CDK17: variants seen among roughly 807,000 people sequenced by gnomAD.
CDK17 encodes cyclin dependent kinase 17.
Under a neutral mutation model 77.6 loss-of-function variants are expected in CDK17, and 24 were observed. The ratio of observed to expected loss-of-function variants is 0.31; its 90% CI spans 0.22 to 0.44. CDK17 has a LOEUF of 0.44. Among genes scored for constraint, CDK17 ranks in the 20% least tolerant of loss-of-function variants. The pLI, the probability that CDK17 is intolerant of heterozygous loss-of-function variation, is 1.00. For missense variants in CDK17, 429 were observed against 622.5 expected (o/e 0.69, Z 3.31); for synonymous variants, 203 against 210.4 (o/e 0.96, Z 0.30).
intron 11 of CDK17, among the ~76,000 whole-genome samples, chr12:96,287,946 T>C (rs909793177): frequency 6.6e-6 from 1 of 152,174 alleles, no homozygotes; most frequent in African/African-American, 2.4e-5. Flanking sequence ...ATTCTACTCA[T>C]AAGTGGTACT....
chr12:96,323,674 C>T (rs974370606), intron 3 of CDK17, among the ~76,000 whole-genome samples: 1 of 152,082 alleles, frequency 6.6e-6, no homozygotes, highest in Middle Eastern at 3.2e-3. Flanking sequence ...AAAATAAACA[C>T]CATCCCAAAC....
At chr12:96,364,357 T>C (rs1379067828) in intron 1 of CDK17, among the ~76,000 whole-genome samples, 1 of 152,176 alleles carries the variant, frequency 6.6e-6, no homozygotes, top group Non-Finnish European at 1.5e-5. Flanking sequence ...GGCCACACCA[T>C]TTTGTATTCC....
At chr12:96,364,741 A>C (rs1953555980) in intron 1 of CDK17, among the ~76,000 whole-genome samples, 1 of 152,172 alleles carries the variant, frequency 6.6e-6, no homozygotes, top group African/African-American at 2.4e-5. Context: ...GTCCCTAAAA[A>C]CAGAAAATAT....
Position 96,286,772 on chromosome 12 carries a change from G to T in CDK17, c.1119-11C>A, listed in dbSNP as rs1309666788. ...ATGCAACCAACACCCCTTTAAAATAGATCATGAAAATAATTTAGCAATTCA... is the reference window on the plus strand; with the variant it reads ...ATGCAACCAACACCCCTTTAAAATATATCATGAAAATAATTTAGCAATTCA... On this transcript the variant is annotated splice_polypyrimidine_tract_variant and intron_variant, in intron 11 of 16. Coordinates refer to ENST00000261211, the MANE Select transcript of CDK17 (RefSeq NM_002595.5). 5.7e-6 allele frequency: 9 copies of T among 1,579,548 alleles called. No homozygotes were observed. Among genetic ancestry groups the T allele is most frequent in the Non-Finnish European group, 6.9e-6 (8 of 1,152,398 alleles).
chr12:96,289,389 T>A lies in CDK17; in HGVS notation c.998-102A>T. 4.6e-6 allele frequency: 6 copies of A among 1,300,956 alleles called. No individual in the cohort carries two copies. In the South Asian group the frequency reaches 7.6e-5, roughly 16 times the overall value. The allele number at this position is 1,300,956 out of a possible 1,614,324, so 80.6% of individuals were successfully genotyped here. On this transcript the variant is annotated intron_variant, in intron 10 of 16. Coordinates refer to ENST00000261211, the MANE Select transcript of CDK17 (RefSeq NM_002595.5). ...CATTCAAAGGGATGCCTGAAATGGTTAATTCGTAGCTTCTTGAGGCTTCAC... is the reference window on the plus strand; with the variant it reads ...CATTCAAAGGGATGCCTGAAATGGTAAATTCGTAGCTTCTTGAGGCTTCAC...
intron 3 of CDK17, among the ~76,000 whole-genome samples, chr12:96,317,790 T>G (rs975798931): frequency 1.3e-5 from 2 of 149,136 alleles, no homozygotes; most frequent in African/African-American, 4.9e-5. Context: ...AAAGAGCTCC[T>G]GAAGGAAGTG....
chr12:96,394,543 GGT>G (rs1167814511), intron 1 of CDK17, among the ~76,000 whole-genome samples: 1 of 151,860 alleles, frequency 6.6e-6, no homozygotes, highest in Non-Finnish European at 1.5e-5. Context: ...GCACGGGTAC[GGT>G]GTCTCATACG....
intron 15 of CDK17, 56 bp downstream of exon 15, chr12:96,282,453 C>G: frequency 1.7e-6 from 2 of 1,179,106 alleles, no homozygotes; most frequent in Non-Finnish European, 2.5e-6. Context: ...CACCCCAGAC[C>G]CTAACCTTGG....
intron 14 of CDK17, among the ~76,000 whole-genome samples, chr12:96,283,142 A>G (rs1316889648): frequency 1.3e-5 from 2 of 152,190 alleles, no homozygotes; most frequent in Non-Finnish European, 2.9e-5. Flanking sequence ...TCTGGCCAAT[A>G]AGACTTGGAA....
At chr12:96,293,002 A>T (rs576347708) in intron 10 of CDK17, among the ~76,000 whole-genome samples, 1 of 152,164 alleles carries the variant, frequency 6.6e-6, no homozygotes, top group Admixed American at 6.5e-5. Context: ...TCAAAGACCT[A>T]AAGAGCTTTT....
chr12:96,313,565 A>C, intron 3 of CDK17, 111 bp from the exon 4 acceptor site: 1 of 549,420 alleles, frequency 1.8e-6, no homozygotes, highest in Non-Finnish European at 2.9e-6. Flanking sequence ...CAGCATAAAA[A>C]GTCATTTACA....
chr12:96,369,238 A>C (rs1417178316), intron 1 of CDK17, among the ~76,000 whole-genome samples: 1 of 152,092 alleles, frequency 6.6e-6, no homozygotes, highest in Non-Finnish European at 1.5e-5. Flanking sequence ...AAATGCACTG[A>C]TTTTTTGCTG....
chr12:96,348,978 A>T (rs139220825), intron 1 of CDK17, among the ~76,000 whole-genome samples: 357 of 152,340 alleles, frequency 2.3e-3, no homozygotes, highest in Non-Finnish European at 3.5e-3. Context: ...CCAAAGCCAA[A>T]CAAAGACATC....
chr12:96,355,321 T>C (rs1487891112), intron 1 of CDK17, among the ~76,000 whole-genome samples: 7 of 151,484 alleles, frequency 4.6e-5, no homozygotes, highest in Non-Finnish European at 1.0e-4. Flanking sequence ...GTGAGAACTC[T>C]ACACGCAGCT....
At chr12:96,289,355 C>T in intron 10 of CDK17, 68 bp from the exon 11 acceptor site, 2 of 1,550,192 alleles carry the variant, frequency 1.3e-6, no homozygotes, top group Non-Finnish European at 1.8e-6. Context: ...CCTATTCTCA[C>T]CATGACTCCA....
intron 1 of CDK17, among the ~76,000 whole-genome samples, chr12:96,352,521 C>A (rs149917721): frequency 2.2e-4 from 34 of 152,192 alleles, no homozygotes; most frequent in African/African-American, 7.7e-4. Context: ...GGCGAGATTG[C>A]CTGAATCTCA....
intron 10 of CDK17, among the ~76,000 whole-genome samples, chr12:96,292,659 T>C (rs924913466): frequency 6.6e-6 from 1 of 152,184 alleles, no homozygotes; most frequent in African/African-American, 2.4e-5. Context: ...ATTATGAATT[T>C]AGTTATGGAA....
intron 11 of CDK17, 51 bp downstream of exon 11, chr12:96,289,116 A>C (rs1418531617): frequency 6.4e-7 from 1 of 1,571,766 alleles, no homozygotes. Context: ...TTGCATTAAC[A>C]GTTACATTCT....
In CDK17 at chr12:96,311,084, G is replaced by C. The variant is rs372195794; in HGVS notation, c.511C>G (p.Pro171Ala). 1 of 1,602,784 alleles carries C rather than the reference G, an allele frequency of 6.2e-7. No individual in the cohort carries two copies. The highest frequency in any genetic ancestry group is 8.5e-7 in the Non-Finnish European group (1 of 1,176,746). Residue 171 changes from proline to alanine, a missense_variant, in exon 5 of 17, where the codon CCA becomes GCA. By Grantham distance (27) the Pro-to-Ala change is conservative. This residue lies in a region of CDK17 where 262 missense variants were observed against 385.4 expected (regional missense o/e 0.68). Transcript: ENST00000261211. Reference sequence around the variant, plus strand: ...GCTCTACGAGACCTTCGACTCATTGGTTGGTCAAATGGTGGACTGTTTATC... The same window carrying C: ...GCTCTACGAGACCTTCGACTCATTGCTTGGTCAAATGGTGGACTGTTTATC... ...LQINSPPFDQ[P>A]MSRRSRRASL...
Sources: allele counts gnomAD v4.1 joint callset (sites outside exome capture counted in the v4.1 genomes callset), GRCh38; gene constraint gnomAD v4.1.1; regional missense constraint gnomAD v4.1.1; transcripts MANE v1.5; gene names NCBI Gene and HGNC (gene_info 2026-07-23, HGNC 2026-07-21).